Variants in CLCN1 observed in about 807,000 individuals in gnomAD.
CLCN1 encodes the protein chloride channel protein 1.
A neutral mutation model predicts 114.5 loss-of-function variants in CLCN1; 100 were observed. The ratio of observed to expected loss-of-function variants is 0.87; its 90% confidence interval spans 0.74 to 1.03. The LOEUF (loss-of-function observed/expected upper bound fraction) is 1.03, where lower values mean the gene tolerates loss of function less well. Among genes scored for constraint, CLCN1 ranks in the 50% least tolerant of loss-of-function variants. The pLI is 0.00. For missense variants in CLCN1, 1,188 were observed against 1,250.0 expected, an observed-to-expected ratio of 0.95 and a Z score of 0.75; for synonymous variants, 485 against 487.1, an observed-to-expected ratio of 1.00 and a Z score of 0.06.
intron 12 of CLCN1, among the ~76,000 whole-genome samples, chr7:143,337,500 G>A (rs1040481525): frequency 4.1e-5 from 2 of 48,660 alleles, no homozygotes; most frequent in African/African-American, 2.5e-4. Context: ...GTCAGCCCTG[G>A]ATGAGGGGAG....
chr7:143,323,633 G>A (rs1802504430), intron 6 of CLCN1: 3 of 648,966 alleles, frequency 4.6e-6, no homozygotes, highest in African/African-American at 1.8e-5. Flanking sequence ...TGGAGGTCTG[G>A]TCTGTCGTCT....
chr7:143,329,180 C>T (rs944723828), intron 7 of CLCN1, among the ~76,000 whole-genome samples: 1 of 152,078 alleles, frequency 6.6e-6, no homozygotes, highest in Admixed American at 6.6e-5. Context: ...GTTGGCCAGG[C>T]TGGCCTCGAA....
In CLCN1 at chr7:143,323,867, G is replaced by A. The variant is rs1049406825; in HGVS notation, c.774+481G>A. 3.0e-5 allele frequency: 14 copies of A among 472,480 alleles called. 1 individual carries two copies. Among genetic ancestry groups the A allele is most frequent in the East Asian group, 6.9e-5 (1 of 14,470 alleles). The allele number at this position is 472,480 out of a possible 1,614,324, so 29.3% of individuals were successfully genotyped here. On this transcript the variant is annotated intron_variant, in intron 6 of 22. Coordinates refer to ENST00000343257, the MANE Select transcript of CLCN1 (RefSeq NM_000083.3). ...CCTGGTGTCGGCCTGTGCAGTGGGC[G>A]TGGGATGCTGCTTTGCAGCCCCTGT...
rs1803407825 is a variant in CLCN1 at position 143,351,630 on chromosome 7, G to A, written c.2632G>A (p.Val878Met). ...KAIEGHTKSG[V>M]QLRPPLASFR... Reference sequence around the variant, plus strand: ...CATTGAGGGGCACACCAAGTCTGGGGTGCAGCTCCGCCCTCCCCTTGCCAG... The same window carrying A: ...CATTGAGGGGCACACCAAGTCTGGGATGCAGCTCCGCCCTCCCCTTGCCAG... Residue 878 changes from valine to methionine, a missense_variant, in exon 23 of 23, where the codon GTG (valine) becomes ATG (methionine). By Grantham distance (21) the Val-to-Met change is conservative (BLOSUM62 1). Transcript: ENST00000343257. 1.2e-6 allele frequency: 2 copies of A among 1,614,092 alleles called. No individual in the cohort carries two copies.
Position 143,351,796 on chromosome 7 carries a change from C to A in CLCN1, c.2798C>A (p.Ser933Tyr), listed in dbSNP as rs1448219970. 3.7e-6 allele frequency: 6 copies of A among 1,614,184 alleles called. No homozygotes were observed. Among genetic ancestry groups the A allele is most frequent in the Non-Finnish European group, 5.1e-6 (6 of 1,180,018 alleles). The stretch of plus-strand genomic sequence containing the variant: ...GCCTCCCCAGAGACCCCTGTGCCAT[C>A]TCCTTCCCCAGAGCCCCCTCTCTCC... Reference protein sequence around the residue: ...IAASPETPVPSPSPEPPLSLA... With the variant: ...IAASPETPVPYPSPEPPLSLA... Residue 933 changes from serine to tyrosine, a missense_variant, in exon 23 of 23, where the codon TCT becomes TAT. By Grantham distance (144) the Ser-to-Tyr change is moderately radical (BLOSUM62 -2). Coordinates refer to ENST00000343257, the MANE Select transcript of CLCN1 (RefSeq NM_000083.3).
rs1302946040 is a variant in CLCN1, at chr7:143,342,465, G to A, written c.1890G>A (p.Gln630=). 2 of 1,614,104 alleles carry A rather than the reference G, an allele frequency of 1.2e-6. No individual in the cohort carries two copies. Among genetic ancestry groups the A allele is most frequent in the Non-Finnish European group, 1.7e-6 (2 of 1,180,036 alleles). Residue 630 remains glutamine, a synonymous_variant, in exon 16 of 23, where the codon CAG becomes CAA. Transcript: ENST00000343257. ...YTYGELRTLL[Q]TTTVKTLPLV... The stretch of plus-strand genomic sequence containing the variant: ...ATGGGGAGTTGCGAACCCTGCTCCA[G>A]ACCACCACAGTCAAGACTTTACCAC...
At chr7:143,320,397 C>A (rs1235468137) in intron 2 of CLCN1, among the ~76,000 whole-genome samples, 1 of 152,144 alleles carries the variant, frequency 6.6e-6, no homozygotes, top group African/African-American at 2.4e-5. Context: ...TCATGGGGAA[C>A]TGGGCTTTGG....
rs773346609 is a variant in CLCN1 at position 143,316,271 on chromosome 7, C to G, written c.59C>G (p.Pro20Arg). The G allele has an allele frequency of 1.9e-6, 3 of 1,613,716 alleles. No homozygotes were observed. The highest frequency in any genetic ancestry group is 2.5e-6 in the Non-Finnish European group (3 of 1,179,744). The part of the protein sequence containing the change: ...GGEQSWWGSD[P>R]QYQYMPFEHC... ...GAACAAAGCTGGTGGGGTAGTGACCCCCAGTACCAGTATATGCCCTTTGAA... is the reference window on the plus strand; with the variant it reads ...GAACAAAGCTGGTGGGGTAGTGACCGCCAGTACCAGTATATGCCCTTTGAA... Residue 20 changes from proline to arginine, a missense_variant, in exon 1 of 23, where the codon CCC becomes CGC. Transcript: ENST00000343257.
chr7:143,339,249 C>T lies in CLCN1; in HGVS notation c.1402-4C>T. The stretch of plus-strand genomic sequence containing the variant: ...GGGTATTCCAACGCTTCTTTCTACT[C>T]CAGTTCTGGATGTCCATCGTGGCCA... On this transcript the variant is annotated splice_polypyrimidine_tract_variant and splice_region_variant and intron_variant, in intron 12 of 22. Coordinates refer to ENST00000343257, the MANE Select transcript of CLCN1 (RefSeq NM_000083.3). The surrounding 1 kb of genome is among the most constrained non-coding windows in gnomAD (Gnocchi z 4.1). 1.3e-6 allele frequency: 2 copies of T among 1,599,532 alleles called. No individual in the cohort carries two copies. Among genetic ancestry groups the T allele is most frequent in the Non-Finnish European group, 1.7e-6 (2 of 1,166,848 alleles).
intron 7 of CLCN1, among the ~76,000 whole-genome samples, chr7:143,326,838 C>T (rs1802587348): frequency 6.6e-6 from 1 of 152,132 alleles, no homozygotes; most frequent in South Asian, 2.1e-4. Flanking sequence ...GGAATTTATT[C>T]TCTAGACTAG....
intron 12 of CLCN1, among the ~76,000 whole-genome samples, chr7:143,338,004 A>ATTTTTTAT: frequency 6.7e-6 from 1 of 149,754 alleles, no homozygotes; most frequent in East Asian, 2.0e-4. Context: ...TTTATTTTTT[A>ATTTTTTAT]TTTTTTATTT....
intron 1 of CLCN1, among the ~76,000 whole-genome samples, chr7:143,319,482 C>A (rs1257349247): frequency 1.3e-5 from 2 of 152,122 alleles, no homozygotes; most frequent in East Asian, 3.9e-4. Flanking sequence ...AACTGGCCTC[C>A]TTGATAAAGG....
intron 8 of CLCN1, 102 bp downstream of exon 8, chr7:143,330,999 C>T (rs752096404): frequency 5.4e-5 from 83 of 1,549,588 alleles, no homozygotes; most frequent in Non-Finnish European, 6.8e-5. Context: ...GAATAATGGG[C>T]GGCATCATTT....
Position 143,345,516 on chromosome 7 carries a change from C to G in CLCN1, c.1931-5C>G. 1 of 1,531,328 alleles carries G rather than the reference C, an allele frequency of 6.5e-7. No individual in the cohort carries two copies. The highest frequency in any genetic ancestry group is 8.8e-7 in the Non-Finnish European group (1 of 1,133,300). 94.9% of individuals were successfully genotyped at this position (1,531,328 alleles called of 1,614,324 possible). ...GCGCTCAGGCAGGGCGTGGGTTTCC[C>G]TCAGATTCAATGATCCTGCTGGGCT... On this transcript the variant is annotated splice_region_variant and splice_polypyrimidine_tract_variant and intron_variant, in intron 16 of 22. Transcript: ENST00000343257.
At chr7:143,346,314 C>A in intron 18 of CLCN1, 63 bp downstream of exon 18, 1 of 1,132,412 alleles carries the variant, frequency 8.8e-7, no homozygotes, top group Non-Finnish European at 1.3e-6. Flanking sequence ...TCACTAGGAC[C>A]TGACCTTGAC....
In CLCN1 at chr7:143,324,570, GTGC is replaced by G; in HGVS notation, c.853+81_853+83del. The G allele has an allele frequency of 9.5e-7, 1 of 1,056,762 alleles. No homozygotes were observed. The highest frequency in any genetic ancestry group is 1.8e-5 in the Admixed American group (1 of 56,654). 65.5% of individuals were successfully genotyped at this position (1,056,762 alleles called of 1,614,324 possible). A position where few individuals can be genotyped will look rare whatever the true frequency, so the allele number is the denominator to read the frequency against. On this transcript the variant is annotated intron_variant, in intron 7 of 22. Transcript: ENST00000343257. The surrounding 1 kb of genome is among the most constrained non-coding windows in gnomAD (Gnocchi z 4.6). ...AAACAGTTTTAATCAGTATCCACAA[GTGC>G]TGGTATTACCAGGTTACTTACGAGA...
At chr7:143,333,075 G>A (rs534709038) in intron 12 of CLCN1, among the ~76,000 whole-genome samples, 3 of 152,228 alleles carry the variant, frequency 2.0e-5, no homozygotes, top group Admixed American at 1.3e-4. Context: ...GAGGCAGGTG[G>A]ATCACTTGAT....
At chr7:143,335,732 TC>T (rs1261765929) in intron 12 of CLCN1, among the ~76,000 whole-genome samples, 16 of 146,456 alleles carry the variant, frequency 1.1e-4, no homozygotes, top group Admixed American at 2.8e-4. Context: ...CAATCTCGGC[TC>T]ACTGCAAGCT....
Position 143,323,338 on chromosome 7 carries a change from T to C in CLCN1, c.726T>C (p.Cys242=). The C allele has an allele frequency of 6.2e-7, 1 of 1,613,372 alleles. No homozygotes were observed. The highest frequency in any genetic ancestry group is 8.5e-7 in the Non-Finnish European group (1 of 1,179,424). ...EGPFVHIASI[C]AAVLSKFMSV... is the part of the protein sequence containing the mutation. The stretch of plus-strand genomic sequence containing the variant: ...CCTTCGTCCACATTGCCAGCATCTG[T>C]GCTGCTGTCCTCAGCAAATTCATGT... The change falls in exon 6 of 23, where the codon TGT becomes TGC. Residue 242 remains cysteine, a synonymous_variant. Transcript: ENST00000343257.
Sources: gnomAD v4.1 joint callset for allele counts (sites outside exome capture counted in the v4.1 genomes callset) on GRCh38, gnomAD v4.1.1 for gene constraint, Gnocchi (gnomAD v3.1) non-coding constraint, MANE v1.5 for transcripts, NCBI Gene and HGNC (gene_info 2026-07-23, HGNC 2026-07-21) for gene names.